GFRAL: variants seen among roughly 807,000 people sequenced by gnomAD.
GFRAL encodes the protein GDNF family receptor alpha-like.
In GFRAL, 36 loss-of-function variants were observed where a neutral mutation model predicts 45.4. The observed-to-expected ratio is 0.79, with a 90% CI of 0.61 to 1.05. The LOEUF (loss-of-function observed/expected upper bound fraction) is 1.05, where lower values mean the gene tolerates loss of function less well. Among genes scored for constraint, GFRAL ranks in the 50% least tolerant of loss-of-function variants. The pLI, the probability that GFRAL is intolerant of heterozygous loss-of-function variation, is 0.00. For missense variants in GFRAL, 507 were observed against 467.5 expected, an observed-to-expected ratio of 1.08 and a Z score of -0.78; for synonymous variants, 166 against 154.1, an observed-to-expected ratio of 1.08 and a Z score of -0.57.
intron 6 of GFRAL, among the ~76,000 whole-genome samples, chr6:55,383,982 A>G (rs1768647427): frequency 6.6e-6 from 1 of 152,074 alleles, no homozygotes; most frequent in Non-Finnish European, 1.5e-5. Context: ...CTTCAACACT[A>G]GTTCCTTTGA....
At chr6:55,341,837 T>C (rs994094193) in intron 3 of GFRAL, among the ~76,000 whole-genome samples, 3 of 152,166 alleles carry the variant, frequency 2.0e-5, no homozygotes, top group Non-Finnish European at 2.9e-5. Flanking sequence ...AATGAGCTGA[T>C]GGAGCTGAAA....
intron 1 of GFRAL, among the ~76,000 whole-genome samples, chr6:55,328,376 T>C (rs564747514): frequency 1.7e-4 from 26 of 152,006 alleles, no homozygotes; most frequent in African/African-American, 6.0e-4. Context: ...TTTAAGCTAA[T>C]ATATACTTGA....
chr6:55,370,586 A>G (rs1056545988), intron 6 of GFRAL, among the ~76,000 whole-genome samples: 2 of 152,220 alleles, frequency 1.3e-5, no homozygotes, highest in African/African-American at 4.8e-5. Flanking sequence ...TTCTTGATAC[A>G]CACATGCAAG....
intron 3 of GFRAL, among the ~76,000 whole-genome samples, chr6:55,349,764 T>A (rs1217336329): frequency 2.8e-5 from 1 of 35,692 alleles, no homozygotes; most frequent in Non-Finnish European, 8.6e-5. Flanking sequence ...ATTCCTTCTG[T>A]TTTTTTTTTT....
At chr6:55,369,043 G>C (rs186863221) in intron 6 of GFRAL, among the ~76,000 whole-genome samples, 26,001 of 147,442 alleles carry the variant, frequency 0.18, 2,726 homozygotes, top group African/African-American at 0.29. Context: ...ACCCCAGCCT[G>C]GCTGCTGCCT....
At chr6:55,342,706 G>T (rs898096590) in intron 3 of GFRAL, among the ~76,000 whole-genome samples, 2 of 152,020 alleles carry the variant, frequency 1.3e-5, no homozygotes, top group African/African-American at 2.4e-5. Context: ...TGGGCTAAAT[G>T]CTCCAATTAA....
chr6:55,364,363 G>A (rs62419079), intron 6 of GFRAL, among the ~76,000 whole-genome samples: 7 of 145,944 alleles, frequency 4.8e-5, no homozygotes, highest in Admixed American at 1.4e-4. Context: ...AGTAGGTTGC[G>A]AAAATTTTCT....
chr6:55,345,464 C>A (rs1479761897), intron 3 of GFRAL, among the ~76,000 whole-genome samples: 9 of 152,100 alleles, frequency 5.9e-5, no homozygotes, highest in African/African-American at 2.2e-4. Context: ...TGTTGAATAA[C>A]TGGTGCTGGG....
intron 3 of GFRAL, among the ~76,000 whole-genome samples, chr6:55,336,075 G>A (rs947768284): frequency 2.6e-5 from 4 of 152,140 alleles, no homozygotes; most frequent in African/African-American, 7.2e-5. Flanking sequence ...CTCCCAAGTA[G>A]TTGGGATTAC....
At chr6:55,393,789 T>C (rs1768785896) in intron 6 of GFRAL, among the ~76,000 whole-genome samples, 1 of 152,134 alleles carries the variant, frequency 6.6e-6, no homozygotes, top group South Asian at 2.1e-4. Context: ...ATAGAGGCTT[T>C]AGGATTTCAT....
At chr6:55,336,011 C>T (rs1405863281) in intron 3 of GFRAL, among the ~76,000 whole-genome samples, 3 of 152,100 alleles carry the variant, frequency 2.0e-5, no homozygotes, top group African/African-American at 4.8e-5. Flanking sequence ...GTGGCCCAAT[C>T]TTCACTCAGT....
chr6:55,401,359 G>A (rs200725555), intron 8 of GFRAL, among the ~76,000 whole-genome samples: 1 of 152,092 alleles, frequency 6.6e-6, no homozygotes, highest in African/African-American at 2.4e-5. Context: ...CCCACACCTG[G>A]AGATAAATAA....
chr6:55,396,370 A>T (rs1768824879), intron 6 of GFRAL, among the ~76,000 whole-genome samples: 1 of 152,162 alleles, frequency 6.6e-6, no homozygotes, highest in Non-Finnish European at 1.5e-5. Flanking sequence ...TTACATATCT[A>T]AAAAAAGCCT....
intron 6 of GFRAL, among the ~76,000 whole-genome samples, chr6:55,380,135 T>G (rs1418340800): frequency 2.0e-5 from 3 of 152,034 alleles, no homozygotes; most frequent in Non-Finnish European, 4.4e-5. Flanking sequence ...TTTGGATGTA[T>G]GCCCAGCAAT....
At chr6:55,346,551 A>G (rs1032617376) in intron 3 of GFRAL, among the ~76,000 whole-genome samples, 3 of 151,848 alleles carry the variant, frequency 2.0e-5, no homozygotes, top group Non-Finnish European at 2.9e-5. Context: ...GTGGGGTGGT[A>G]GGAGGGGGGA....
chr6:55,397,900 T>A (rs543057959), intron 6 of GFRAL, among the ~76,000 whole-genome samples: 115 of 152,330 alleles, frequency 7.5e-4, no homozygotes, highest in African/African-American at 2.7e-3. Flanking sequence ...TTTTATAGTA[T>A]CTTTTCTATG....
At chr6:55,358,815 G>A in intron 5 of GFRAL, 73 bp from the exon 6 acceptor site, 2 of 1,418,068 alleles carry the variant, frequency 1.4e-6, no homozygotes, top group Non-Finnish European at 2.0e-6. Flanking sequence ...CTTTCATTAG[G>A]TGAGGGGGGA....
chr6:55,367,153 AG>A (rs1362970096), intron 6 of GFRAL, among the ~76,000 whole-genome samples: 1 of 111,484 alleles, frequency 9.0e-6, no homozygotes, highest in African/African-American at 4.2e-5. Flanking sequence ...TATTTAGGAT[AG>A]TTAGCTCTTC....
At position 55,372,695 on chromosome 6, in the gene GFRAL, C is replaced by A. The variant is rs190889913; in HGVS notation, c.952+13557C>A. ...CACACTCATGGTCCACTGGCCCCAACTCAGTCACACGGCCACACTTATCTC... is the reference window on the plus strand; with the variant it reads ...CACACTCATGGTCCACTGGCCCCAAATCAGTCACACGGCCACACTTATCTC... On this transcript the variant is annotated intron_variant, in intron 6 of 8. Transcript: ENST00000340465. 3.4e-3 allele frequency among the ~76,000 whole-genome samples: 521 copies of A among 152,262 alleles called. 3 individuals carry two copies. The highest frequency in any genetic ancestry group is 0.012 in the African/African-American group (494 of 41,544).
Sources: allele counts gnomAD v4.1 joint callset (sites outside exome capture counted in the v4.1 genomes callset), GRCh38; gene constraint gnomAD v4.1.1; transcripts MANE v1.5; gene names NCBI Gene and HGNC (gene_info 2026-07-23, HGNC 2026-07-21).